The following STYXL2 variants were observed in gnomAD, a reference collection of about 807,000 sequenced individuals.
The protein encoded by STYXL2 is serine/threonine/tyrosine interacting like 2.
In STYXL2, 44 loss-of-function variants were observed where a neutral mutation model predicts 52.4. The ratio of observed to expected loss-of-function variants is 0.84; its 90% CI spans 0.66 to 1.08. STYXL2 has a LOEUF of 1.08. Ranked by LOEUF, STYXL2 falls within the 50% of genes least tolerant of loss-of-function variation. The pLI is 0.00. For synonymous variants in STYXL2, 604 were observed against 586.9 expected (o/e 1.03, Z -0.42); for missense variants, 1,604 against 1,471.7 (o/e 1.09, Z -1.47).
At position 167,126,483 on chromosome 1, in the gene STYXL2, T is replaced by G. The variant is rs746654567; in HGVS notation, c.1352T>G (p.Leu451Arg). 6.2e-7 allele frequency: 1 copy of G among 1,605,900 alleles called. No individual in the cohort carries two copies. The highest frequency in any genetic ancestry group is 1.7e-5 in the Admixed American group (1 of 58,638). ...ESVSSHDIWV[L>R]KQQLELNRPD... ...GTGAGCAGCCACGACATCTGGGTCC[T>G]GAAGCAGCAGCTGGAGCTGAACCGC... Residue 451 changes from leucine (L) to arginine (R), a missense_variant, in exon 6 of 6, where the codon CTG becomes CGG. Physicochemically the swap from Leu to Arg is moderately radical, Grantham distance 102 (BLOSUM62 -2). Coordinates refer to ENST00000361200, the MANE Select transcript of STYXL2 (RefSeq NM_001080426.3).
Position 167,127,982 on chromosome 1 carries a change from C to A in STYXL2, c.2851C>A (p.Gln951Lys). The change falls in exon 6 of 6, where the codon CAA becomes AAA. Residue 951 changes from glutamine to lysine, a missense_variant. Coordinates refer to ENST00000361200, the MANE Select transcript of STYXL2 (RefSeq NM_001080426.3). Reference protein sequence around the residue: ...GLRTEEKPPFQSDWSGSSRGK... With the variant: ...GLRTEEKPPFKSDWSGSSRGK... ...CAGGACGGAGGAAAAACCTCCTTTCCAAAGTGACTGGTCTGGAAGTTCCAG... is the reference window on the plus strand; with the variant it reads ...CAGGACGGAGGAAAAACCTCCTTTCAAAAGTGACTGGTCTGGAAGTTCCAG... The A allele has an allele frequency of 6.2e-7, 1 of 1,614,134 alleles. No individual in the cohort carries two copies. Among genetic ancestry groups the A allele is most frequent in the East Asian group, 2.2e-5 (1 of 44,886 alleles).
rs533117492 is a variant in STYXL2, at chr1:167,110,021, G to A, written c.111-3689G>A. Reference sequence around the variant, plus strand: ...CAGTTACTGGTATCCATGGCTGAGAGACCTGAAGGTCGATCACATCACAGG... The same window carrying A: ...CAGTTACTGGTATCCATGGCTGAGAAACCTGAAGGTCGATCACATCACAGG... On this transcript the variant is annotated intron_variant, in intron 2 of 5. Coordinates refer to ENST00000361200, the MANE Select transcript of STYXL2 (RefSeq NM_001080426.3). 2.4e-4 allele frequency among the ~76,000 whole-genome samples: 36 copies of A among 152,256 alleles called. No homozygotes were observed. In the South Asian group the frequency reaches 7.5e-3, roughly 32 times the overall value.
intron 3 of STYXL2, among the ~76,000 whole-genome samples, chr1:167,116,321 C>A (rs1283426289): frequency 6.6e-6 from 1 of 152,150 alleles, no homozygotes; most frequent in Non-Finnish European, 1.5e-5. Flanking sequence ...GGAGTTTGAG[C>A]TTTTCTGACC....
At chr1:167,108,928 G>A (rs1267043811) in intron 2 of STYXL2, among the ~76,000 whole-genome samples, 1 of 152,126 alleles carries the variant, frequency 6.6e-6, no homozygotes, top group Non-Finnish European at 1.5e-5. Flanking sequence ...ACAGGAGAAG[G>A]ATTTAACCTT....
At chr1:167,107,167 C>G (rs1385380652) in intron 2 of STYXL2, among the ~76,000 whole-genome samples, 1 of 152,086 alleles carries the variant, frequency 6.6e-6, no homozygotes, top group South Asian at 2.1e-4. Flanking sequence ...GCTTGGTGTT[C>G]TGGGGGTAGT....
At chr1:167,115,929 G>T (rs1021761881) in intron 3 of STYXL2, among the ~76,000 whole-genome samples, 2 of 152,126 alleles carry the variant, frequency 1.3e-5, no homozygotes, top group African/African-American at 4.8e-5. Flanking sequence ...CCCTGGATTT[G>T]CAGTCCATGA....
chr1:167,108,955 A>T (rs1667560839), intron 2 of STYXL2, among the ~76,000 whole-genome samples: 1 of 152,048 alleles, frequency 6.6e-6, no homozygotes, highest in African/African-American at 2.4e-5. Context: ...AGGTAAAATG[A>T]ATTTAGAGAG....
intron 4 of STYXL2, 143 bp downstream of exon 4, chr1:167,117,702 G>T: frequency 1.4e-6 from 1 of 711,142 alleles, no homozygotes; most frequent in Non-Finnish European, 2.3e-6. Context: ...CCCTGCCCCA[G>T]CCCAGAGAAA....
intron 2 of STYXL2, among the ~76,000 whole-genome samples, chr1:167,100,279 C>G (rs1041636055): frequency 6.6e-6 from 1 of 152,216 alleles, no homozygotes; most frequent in Non-Finnish European, 1.5e-5. Context: ...ACCTAATCAC[C>G]TCTTAAGACA....
At chr1:167,121,023 T>TC (rs1477942843) in intron 5 of STYXL2, among the ~76,000 whole-genome samples, 1 of 151,242 alleles carries the variant, frequency 6.6e-6, no homozygotes, top group East Asian at 1.9e-4. Context: ...ACTCCTTTTT[T>TC]TTTTTTAGGC....
At chr1:167,100,086 C>T (rs1667370106) in intron 2 of STYXL2, among the ~76,000 whole-genome samples, 1 of 152,198 alleles carries the variant, frequency 6.6e-6, no homozygotes, top group Non-Finnish European at 1.5e-5. Context: ...CATGCTGCCT[C>T]ATAACATGGC....
At position 167,128,731 on chromosome 1, in the gene STYXL2, A is replaced by G. The variant is rs1668030728; in HGVS notation, c.*123A>G. On this transcript the variant is annotated 3_prime_UTR_variant, in exon 6 of 6. Transcript: ENST00000361200. ...GAGGATCTTCCAGAGGGGCAGAGCC[A>G]AAATGAGAGGTACCAAGCATAAGGG... The G allele has an allele frequency of 1.4e-6, 2 of 1,424,052 alleles. No homozygotes were observed. The highest frequency in any genetic ancestry group is 2.8e-5 in the Admixed American group (1 of 35,354). 88.2% of individuals were successfully genotyped at this position (1,424,052 alleles called of 1,614,324 possible). A position where few individuals can be genotyped will look rare whatever the true frequency, so the allele number is the denominator to read the frequency against.
Position 167,126,356 on chromosome 1 carries a change from C to T in STYXL2, c.1225C>T (p.Arg409Trp), listed in dbSNP as rs1420132216. 1.3e-5 allele frequency: 20 copies of T among 1,541,138 alleles called. No homozygotes were observed. The highest frequency in any genetic ancestry group is 4.0e-5 in the Admixed American group (2 of 49,764). ...RNERYQAEGY[R>W]RWGREEEKEE... is the part of the protein sequence containing the mutation. ...CGAGAGGTACCAAGCAGAAGGGTAC[C>T]GGAGGTGGGGAAGGGAGGAGGAGAA... The change falls in exon 6 of 6, where the codon CGG becomes TGG. Residue 409 changes from arginine (R) to tryptophan (W), a missense_variant. Arg to Trp is a moderately radical substitution (Grantham distance 101). Transcript: ENST00000361200.
chr1:167,097,519 C>T (rs1334426995), intron 2 of STYXL2, among the ~76,000 whole-genome samples: 6 of 151,944 alleles, frequency 3.9e-5, no homozygotes, highest in Non-Finnish European at 2.9e-5. Context: ...GTCCAAGATG[C>T]ATGTTGTAAT....
chr1:167,123,217 G>T (rs1301592244), intron 5 of STYXL2, among the ~76,000 whole-genome samples: 1 of 152,204 alleles, frequency 6.6e-6, no homozygotes, highest in Non-Finnish European at 1.5e-5. Context: ...TCCTGTTGCT[G>T]CTTTGGATGA....
Position 167,113,765 on chromosome 1 carries a change from C to T in STYXL2, c.166C>T (p.Leu56Phe), listed in dbSNP as rs762124203. 24 of 1,614,002 alleles carry T rather than the reference C, an allele frequency of 1.5e-5. No individual in the cohort carries two copies. In the South Asian group the frequency reaches 1.8e-4, roughly 12 times the overall value. The part of the protein sequence containing the change: ...TESIFMEPIH[L>F]SSAIAAKQII... ...AAGCATTTTCATGGAACCCATTCAC[C>T]TCTCCTCAGCCATTGCAGCCAAACA... is the stretch of plus-strand genomic sequence containing the variant. The change falls in exon 3 of 6, where the codon CTC becomes TTC. Residue 56 changes from leucine (L) to phenylalanine (F), a missense_variant. By Grantham distance (22) the Leu-to-Phe change is conservative. Transcript: ENST00000361200.
rs967241910 is a variant in STYXL2, at chr1:167,122,714, G to A, written c.656-3073G>A. On this transcript the variant is annotated intron_variant, in intron 5 of 5. Transcript: ENST00000361200. ...GACAGAGTCTCACTCTGTCACCCAG[G>A]ATGGAATGCAGTAATGTGACCTCAG... is the stretch of plus-strand genomic sequence containing the variant. 2.6e-5 allele frequency among the ~76,000 whole-genome samples: 4 copies of A among 152,120 alleles called. No individual in the cohort carries two copies. The East Asian group carries it at 7.7e-4, about 29-fold the overall frequency.
rs375270758 is a variant in STYXL2 at position 167,100,545 on chromosome 1, T to C, written c.110+5586T>C. ...GCTGGTTTCACAATTTTACATCACC[T>C]TAGCCTACCACAAGACAAAAGCACT... On this transcript the variant is annotated intron_variant, in intron 2 of 5. Transcript: ENST00000361200. 2.6e-5 allele frequency among the ~76,000 whole-genome samples: 4 copies of C among 152,302 alleles called. No individual in the cohort carries two copies. In the East Asian group the frequency reaches 7.7e-4, roughly 29 times the overall value.
Position 167,128,930 on chromosome 1 carries a change from A to G in STYXL2, c.*322A>G. 3.8e-6 allele frequency: 1 copy of G among 265,596 alleles called. No homozygotes were observed. Among genetic ancestry groups the G allele is most frequent in the Non-Finnish European group, 7.2e-6 (1 of 139,804 alleles). 16.5% of individuals were successfully genotyped at this position (265,596 alleles called of 1,614,324 possible). A position where few individuals can be genotyped will look rare whatever the true frequency, so the allele number is the denominator to read the frequency against. ...CACAGGCTAGAGAGGTGAGCTTGGA[A>G]AAGCACTGTAGTTTGTCAGAGACTC... On this transcript the variant is annotated 3_prime_UTR_variant, in exon 6 of 6. Transcript: ENST00000361200.
Sources: gnomAD v4.1 joint callset for allele counts (sites outside exome capture counted in the v4.1 genomes callset) on GRCh38, gnomAD v4.1.1 for gene constraint, MANE v1.5 for transcripts, NCBI Gene and HGNC (gene_info 2026-07-23, HGNC 2026-07-21) for gene names.